Variants in EFL1 observed in about 807,000 individuals in gnomAD.
EFL1 encodes the protein elongation factor like GTPase 1.
Under a neutral mutation model 126.7 loss-of-function variants are expected in EFL1, and 76 were observed. That is an observed-to-expected ratio of 0.60 (90% CI 0.50 to 0.73). The LOEUF (loss-of-function observed/expected upper bound fraction) is 0.73. EFL1 is among the 30% of genes least tolerant of loss of function. EFL1 has a pLI of 0.00. For missense variants in EFL1, 1,128 were observed against 1,343.2 expected (o/e 0.84, Z 2.50); for synonymous variants, 410 against 448.4 (o/e 0.91, Z 1.08).
At chr15:82,259,817 T>A (rs914856821) in intron 2 of EFL1, among the ~76,000 whole-genome samples, 1 of 152,192 alleles carries the variant, frequency 6.6e-6, no homozygotes, top group Non-Finnish European at 1.5e-5. Context: ...CAAGTCTTTA[T>A]TGCACTTTAG....
intron 17 of EFL1, 79 bp from the exon 18 acceptor site, chr15:82,152,502 AGT>A: frequency 6.6e-6 from 8 of 1,203,574 alleles, no homozygotes; most frequent in Non-Finnish European, 8.0e-6. Flanking sequence ...ATTACTACAC[AGT>A]GGAGATTCTG....
At position 82,242,138 on chromosome 15, in the gene EFL1, T is replaced by C. The variant is rs1431008484; in HGVS notation, c.245-735A>G. Among the ~76,000 whole-genome samples, 3 of 152,216 alleles carry C rather than the reference T, an allele frequency of 2.0e-5. No individual in the cohort carries two copies. The East Asian group carries it at 5.8e-4, about 29-fold the overall frequency. On this transcript the variant is annotated intron_variant, in intron 4 of 19. Transcript: ENST00000268206. ...GGTTATAGAGAGTTATCACTAAACA[T>C]AACTTAGTATACCATGCAGAAAATT...
At position 82,151,713 on chromosome 15, in the gene EFL1, C is replaced by A; in HGVS notation, c.2741G>T (p.Gly914Val). 1 of 1,614,172 alleles carries A rather than the reference C, an allele frequency of 6.2e-7. No homozygotes were observed. The change falls in exon 18 of 20, where the codon GGA becomes GTA. Residue 914 changes from glycine (G) to valine (V), a missense_variant. Coordinates refer to ENST00000268206, the MANE Select transcript of EFL1 (RefSeq NM_024580.6). Reference sequence around the variant, plus strand: ...AGAACAGGTTTCATTTTCCTCCTGTCCCTCTTTTGCCAGATCACTTGCTCC... The same window carrying A: ...AGAACAGGTTTCATTTTCCTCCTGTACCTCTTTTGCCAGATCACTTGCTCC... ...EQGASDLAKE[G>V]QEENETCSGG... is the part of the protein sequence containing the mutation.
intron 17 of EFL1, among the ~76,000 whole-genome samples, chr15:82,154,985 T>C (rs61203524): frequency 0.15 from 22,717 of 152,160 alleles, 3,029 homozygotes; most frequent in African/African-American, 0.36. Context: ...TGGTGCACTA[T>C]GTTTTGAACT....
At chr15:82,207,872 G>A (rs1300457154) in intron 15 of EFL1, among the ~76,000 whole-genome samples, 5 of 152,032 alleles carry the variant, frequency 3.3e-5, no homozygotes, top group African/African-American at 2.4e-5. Flanking sequence ...ACAGGCACCC[G>A]CCACACACCC....
intron 15 of EFL1, among the ~76,000 whole-genome samples, chr15:82,173,944 CT>C (rs2074163855): frequency 6.6e-6 from 1 of 152,084 alleles, no homozygotes; most frequent in Non-Finnish European, 1.5e-5. Flanking sequence ...AATCCCAGCA[CT>C]TTGGGAGGCC....
chr15:82,142,374 T>C (rs540844125), intron 18 of EFL1, among the ~76,000 whole-genome samples: 2 of 152,118 alleles, frequency 1.3e-5, no homozygotes, highest in South Asian at 4.1e-4. Flanking sequence ...ACTGCAGTCC[T>C]AGCTACTTGG....
At chr15:82,195,320 T>C (rs1177829402) in intron 15 of EFL1, among the ~76,000 whole-genome samples, 1 of 152,226 alleles carries the variant, frequency 6.6e-6, no homozygotes, top group African/African-American at 2.4e-5. Context: ...TAATGTTCTG[T>C]TACCCACAAA....
At chr15:82,254,208 T>A (rs1238532394) in intron 3 of EFL1, among the ~76,000 whole-genome samples, 1 of 152,238 alleles carries the variant, frequency 6.6e-6, no homozygotes, top group African/African-American at 2.4e-5. Context: ...ACCCTTTGTG[T>A]GCATGTGTGT....
chr15:82,136,073 C>T (rs149369919), intron 19 of EFL1, among the ~76,000 whole-genome samples: 7 of 151,230 alleles, frequency 4.6e-5, no homozygotes, highest in Admixed American at 2.0e-4. Context: ...ATATATCTGA[C>T]AACTAAGAAA....
chr15:82,133,971 T>C (rs1157152848), intron 19 of EFL1, among the ~76,000 whole-genome samples: 3 of 152,110 alleles, frequency 2.0e-5, no homozygotes, highest in Non-Finnish European at 2.9e-5. Context: ...GGTGTGAGGG[T>C]CAACTGCACT....
intron 2 of EFL1, 82 bp downstream of exon 2, chr15:82,261,599 CTCAGCTG>C: frequency 7.9e-7 from 1 of 1,259,950 alleles, no homozygotes; most frequent in Non-Finnish European, 1.1e-6. Flanking sequence ...AAACATCACT[CTCAGCTG>C]TCCACAGCTT....
intron 3 of EFL1, among the ~76,000 whole-genome samples, chr15:82,258,626 AGG>A (rs1212219933): frequency 7.2e-5 from 11 of 152,326 alleles, no homozygotes; most frequent in Non-Finnish European, 1.3e-4. Context: ...TTTGATACTT[AGG>A]TTAACTTTTA....
At chr15:82,203,700 A>G (rs1304079189) in intron 15 of EFL1, among the ~76,000 whole-genome samples, 1 of 152,164 alleles carries the variant, frequency 6.6e-6, no homozygotes, top group African/African-American at 2.4e-5. Flanking sequence ...CCTTTATATA[A>G]GTGGTCTGCA....
At chr15:82,144,579 G>A (rs2073822710) in intron 18 of EFL1, among the ~76,000 whole-genome samples, 1 of 152,146 alleles carries the variant, frequency 6.6e-6, no homozygotes. Context: ...GTCACCTTAA[G>A]TTATGTCTCA....
At chr15:82,168,546 T>C (rs993338433) in intron 15 of EFL1, among the ~76,000 whole-genome samples, 1 of 152,212 alleles carries the variant, frequency 6.6e-6, no homozygotes, top group Non-Finnish European at 1.5e-5. Flanking sequence ...AATCTCGCCC[T>C]GTTGCCCAGA....
intron 7 of EFL1, among the ~76,000 whole-genome samples, chr15:82,231,174 G>C (rs2074818726): frequency 6.6e-6 from 1 of 152,086 alleles, no homozygotes; most frequent in Admixed American, 6.6e-5. Flanking sequence ...AAGCGGTCTG[G>C]CTCCAAAGCC....
chr15:82,131,207 G>C (rs1471314204), intron 19 of EFL1, among the ~76,000 whole-genome samples: 2 of 152,150 alleles, frequency 1.3e-5, no homozygotes, highest in Non-Finnish European at 2.9e-5. Flanking sequence ...ATATCTGAAT[G>C]TTAATGTCTT....
At chr15:82,225,118 A>T in intron 12 of EFL1, 47 bp downstream of exon 12, 1 of 1,467,992 alleles carries the variant, frequency 6.8e-7, no homozygotes, top group Non-Finnish European at 9.4e-7. Context: ...ATCCCACCAA[A>T]CATACACCAT....
Sources: allele counts gnomAD v4.1 joint callset (sites outside exome capture counted in the v4.1 genomes callset), GRCh38; gene constraint gnomAD v4.1.1; transcripts MANE v1.5; gene names NCBI Gene and HGNC (gene_info 2026-07-23, HGNC 2026-07-21).